SDK2: variants seen among roughly 807,000 people sequenced by gnomAD.
The protein encoded by SDK2 is protein sidekick-2.
Under a neutral mutation model 253.9 loss-of-function variants are expected in SDK2, and 105 were observed. The observed-to-expected ratio is 0.41, with a 90% confidence interval of 0.35 to 0.49. SDK2 has a LOEUF of 0.49. Among genes scored for constraint, SDK2 ranks in the 20% least tolerant of loss-of-function variants. The pLI is 0.06. For missense variants in SDK2, 2,608 were observed against 3,003.0 expected (o/e 0.87, Z 3.07); for synonymous variants, 1,249 against 1,234.9 (o/e 1.01, Z -0.24).
At chr17:73,585,123 G>A (rs1275805190) in intron 1 of SDK2, among the ~76,000 whole-genome samples, 2 of 152,214 alleles carry the variant, frequency 1.3e-5, no homozygotes, top group African/African-American at 4.8e-5. Flanking sequence ...CACCCAGCGG[G>A]GAAAGTGGTG....
chr17:73,507,890 C>T (rs2063948488), intron 1 of SDK2, among the ~76,000 whole-genome samples: 2 of 152,260 alleles, frequency 1.3e-5, no homozygotes, highest in Non-Finnish European at 2.9e-5. Context: ...ACTTCCCTCT[C>T]AGCATACACA....
chr17:73,416,977 G>C (rs1486423990), intron 16 of SDK2, among the ~76,000 whole-genome samples: 1 of 152,146 alleles, frequency 6.6e-6, no homozygotes. Context: ...ACATGGCCTA[G>C]AAACATTGAA....
chr17:73,371,326 G>C (rs1372477083), intron 36 of SDK2, among the ~76,000 whole-genome samples: 3 of 151,918 alleles, frequency 2.0e-5, no homozygotes, highest in Non-Finnish European at 4.4e-5. Context: ...GCTGTGGATT[G>C]ATCCCTGGGG....
chr17:73,529,366 A>G (rs2064151455), intron 1 of SDK2, among the ~76,000 whole-genome samples: 1 of 152,162 alleles, frequency 6.6e-6, no homozygotes, highest in African/African-American at 2.4e-5. Flanking sequence ...CTCATCTGAA[A>G]TGGAGCTAGC....
rs923317267 is a variant in SDK2 at position 73,618,814 on chromosome 17, C to T, written c.64+25211G>A. Among the ~76,000 whole-genome samples, 1 of 152,144 alleles carries T rather than the reference C, an allele frequency of 6.6e-6. No homozygotes were observed. The highest frequency in any genetic ancestry group is 2.4e-5 in the African/African-American group (1 of 41,412). The stretch of plus-strand genomic sequence containing the variant: ...TGTGTCTGGCACAGCAGAGCAAATG[C>T]CTACCAGAGCACAAAACCCACAGCT... On this transcript the variant is annotated intron_variant, in intron 1 of 44. Transcript: ENST00000392650. This position sits in a 1 kb window ranked among gnomAD's most constrained non-coding sequence, Gnocchi z 4.1.
intron 1 of SDK2, among the ~76,000 whole-genome samples, chr17:73,514,048 G>T (rs978140162): frequency 2.0e-5 from 3 of 152,172 alleles, no homozygotes; most frequent in African/African-American, 7.2e-5. Context: ...GTGGACCACA[G>T]GTATGAATTA....
chr17:73,352,610 T>A lies in SDK2; in HGVS notation c.5621A>T (p.Lys1874Ile). 6 of 1,613,982 alleles carry A rather than the reference T, an allele frequency of 3.7e-6. No individual in the cohort carries two copies. Among genetic ancestry groups the A allele is most frequent in the Non-Finnish European group, 5.1e-6 (6 of 1,179,864 alleles). ...GGAGCTCACCTCCTTGGGGATGTCT[T>A]TGATGAGGATGTCCCATAGTCCCTC... ...SDEGLWDILI[K>I]DIPKEVSSYT... The change falls in exon 41 of 45, where the codon AAA (lysine) becomes ATA (isoleucine). Residue 1874 changes from lysine (K) to isoleucine (I), a missense_variant. Physicochemically the swap from Lys to Ile is moderately radical, Grantham distance 102 (BLOSUM62 -3). Around this residue, in one of 2 missense-constraint regions of SDK2, gnomAD observed 1,103 missense variants for 1,143.9 expected, o/e 0.96. Coordinates refer to ENST00000392650, the MANE Select transcript of SDK2 (RefSeq NM_001144952.2). This position sits in a 1 kb window ranked among gnomAD's most constrained non-coding sequence, Gnocchi z 4.1.
At chr17:73,375,301 G>T (rs1759038400) in intron 36 of SDK2, among the ~76,000 whole-genome samples, 1 of 124,100 alleles carries the variant, frequency 8.1e-6, no homozygotes, top group Admixed American at 9.9e-5. Context: ...GAGTGCAGTG[G>T]TGCAACAATG....
intron 1 of SDK2, chr17:73,513,940 A>T (rs2064001609): frequency 6.6e-6 from 1 of 152,198 alleles, no homozygotes; most frequent in African/African-American, 2.4e-5. Flanking sequence ...GCTCCATGAA[A>T]AATGGATCCC....
In SDK2 at chr17:73,390,391, G is replaced by C; in HGVS notation, c.4088C>G (p.Thr1363Arg). The change falls in exon 29 of 45, where the codon ACG becomes AGG. Residue 1363 changes from threonine (T) to arginine (R), a missense_variant. Thr to Arg is a moderately conservative substitution (Grantham distance 71, BLOSUM62 -1). Around this residue, in one of 2 missense-constraint regions of SDK2, gnomAD observed 1,103 missense variants for 1,143.9 expected, o/e 0.96. Transcript: ENST00000392650. ...GTAGACAGACTCTGGCTTGAGGCCC[G>C]TGGCTGTGTACTGCCGGGCGCTGGG... ...LAPSARQYTA[T>R]GLKPESVYLF... The C allele has an allele frequency of 6.2e-7, 1 of 1,612,712 alleles. No individual in the cohort carries two copies. The highest frequency in any genetic ancestry group is 1.1e-5 in the South Asian group (1 of 90,892).
chr17:73,509,143 T>C (rs916091506), intron 1 of SDK2, among the ~76,000 whole-genome samples: 12 of 152,326 alleles, frequency 7.9e-5, no homozygotes, highest in African/African-American at 2.9e-4. Flanking sequence ...TCTACGGACT[T>C]GTCTACGTTC....
At chr17:73,538,100 G>A (rs1221284609) in intron 1 of SDK2, among the ~76,000 whole-genome samples, 1 of 152,112 alleles carries the variant, frequency 6.6e-6, no homozygotes, top group Non-Finnish European at 1.5e-5. Flanking sequence ...CGGGAACGGC[G>A]GTGTTCACTG....
At chr17:73,611,157 G>T (rs762387460) in intron 1 of SDK2, among the ~76,000 whole-genome samples, 1 of 152,210 alleles carries the variant, frequency 6.6e-6, no homozygotes, top group Non-Finnish European at 1.5e-5. Flanking sequence ...AGCTCTGAGG[G>T]TCAAAGACTT....
intron 1 of SDK2, among the ~76,000 whole-genome samples, chr17:73,544,001 A>G (rs1383859441): frequency 1.3e-5 from 2 of 152,216 alleles, no homozygotes; most frequent in Non-Finnish European, 2.9e-5. Context: ...ACCCTTCAGC[A>G]TGGTCTTGAA....
rs143950228 is a variant in SDK2, at chr17:73,401,131, G to T, written c.2860C>A (p.Arg954Ser). Reference protein sequence around the residue: ...HYLPNVTLEYRVTGLTALTTY... With the variant: ...HYLPNVTLEYSVTGLTALTTY... The stretch of plus-strand genomic sequence containing the variant: ...GTGAGCGCGGTGAGGCCCGTGACAC[G>T]GTACTCCAGGGTCACGTTGGGCAGG... The change falls in exon 21 of 45, where the codon CGT becomes AGT. Residue 954 changes from arginine to serine, a missense_variant. By Grantham distance (110) the Arg-to-Ser change is moderately radical. Around this residue, in one of 2 missense-constraint regions of SDK2, gnomAD observed 1,505 missense variants for 1,859.1 expected, o/e 0.81. Coordinates refer to ENST00000392650, the MANE Select transcript of SDK2 (RefSeq NM_001144952.2). The T allele has an allele frequency of 1.3e-6, 2 of 1,561,582 alleles. No homozygotes were observed. The highest frequency in any genetic ancestry group is 3.8e-5 in the Admixed American group (2 of 52,042).
chr17:73,469,992 G>GCGCGCGCGCGCACA (rs1328450219), intron 3 of SDK2, among the ~76,000 whole-genome samples: 66 of 126,260 alleles, frequency 5.2e-4, no homozygotes, highest in African/African-American at 1.9e-3. Flanking sequence ...GCGCGCGCGC[G>GCGCGCGCGCGCACA]CACACACACA....
rs533316548 is a variant in SDK2, at chr17:73,401,630, G to A, written c.2779+24C>T. 1.0e-4 allele frequency: 163 copies of A among 1,560,520 alleles called. No homozygotes were observed. The South Asian group carries it at 1.8e-3, about 17-fold the overall frequency. On this transcript the variant is annotated intron_variant, in intron 20 of 44. Coordinates refer to ENST00000392650, the MANE Select transcript of SDK2 (RefSeq NM_001144952.2). The stretch of plus-strand genomic sequence containing the variant: ...TTTCCCAGCCCTGTCCTGCCCTCTG[G>A]TTCAGAAACACTGCAGTGCCTACCT...
chr17:73,580,018 T>C (rs1045693936), intron 1 of SDK2, among the ~76,000 whole-genome samples: 1 of 148,856 alleles, frequency 6.7e-6, no homozygotes, highest in Admixed American at 6.7e-5. Flanking sequence ...GAGGTTAGGA[T>C]GCAGACACAC....
At chr17:73,566,457 A>G (rs1263832599) in intron 1 of SDK2, among the ~76,000 whole-genome samples, 7 of 152,138 alleles carry the variant, frequency 4.6e-5, no homozygotes. Flanking sequence ...GAAAATGTTG[A>G]AACAGCTTTG....
Sources: gnomAD v4.1 joint callset for allele counts (sites outside exome capture counted in the v4.1 genomes callset) on GRCh38, gnomAD v4.1.1 for gene constraint, gnomAD v4.1.1 regional missense constraint, Gnocchi (gnomAD v3.1) non-coding constraint, MANE v1.5 for transcripts, NCBI Gene and HGNC (gene_info 2026-07-23, HGNC 2026-07-21) for gene names.